The following TMEM200A variants were observed in gnomAD, a reference collection of about 807,000 sequenced individuals.
TMEM200A encodes the protein transmembrane protein 200A, also known as two transmembrane C.
Under a neutral mutation model 24.3 loss-of-function variants are expected in TMEM200A, and 12 were observed. The ratio of observed to expected loss-of-function variants is 0.49; its 90% CI spans 0.32 to 0.80. TMEM200A has a LOEUF of 0.80. Among genes scored for constraint, TMEM200A ranks in the 30% least tolerant of loss-of-function variants. The pLI is 0.04. For missense variants in TMEM200A, 545 were observed against 614.4 expected (o/e 0.89, Z 1.19); for synonymous variants, 224 against 224.4 (o/e 1.00, Z 0.02).
Position 130,440,733 on chromosome 6 carries a change from T to G in TMEM200A, c.311T>G (p.Val104Gly), listed in dbSNP as rs1780142440. 3 of 1,614,014 alleles carry G rather than the reference T, an allele frequency of 1.9e-6. No homozygotes were observed. The highest frequency in any genetic ancestry group is 2.5e-6 in the Non-Finnish European group (3 of 1,179,998). Residue 104 changes from valine to glycine, a missense_variant, in exon 3 of 3, where the codon GTC becomes GGC. Transcript: ENST00000296978. ...ACACTGTCAACAAATGAAACTCAGGTCATTCGGAATGAAGGCGGTGTGGTG... is the reference window on the plus strand; with the variant it reads ...ACACTGTCAACAAATGAAACTCAGGGCATTCGGAATGAAGGCGGTGTGGTG... ...ETTLSTNETQ[V>G]IRNEGGVVVR... is the part of the protein sequence containing the mutation.
chr6:130,391,300 C>T (rs757234132), intron 2 of TMEM200A, among the ~76,000 whole-genome samples: 2 of 152,098 alleles, frequency 1.3e-5, no homozygotes, highest in Non-Finnish European at 2.9e-5. Flanking sequence ...TTGTTCTGGA[C>T]CAAAAAGACA....
intron 2 of TMEM200A, among the ~76,000 whole-genome samples, chr6:130,409,880 C>T (rs1214282360): frequency 6.6e-6 from 1 of 151,200 alleles, no homozygotes; most frequent in Non-Finnish European, 1.5e-5. Context: ...TAAGTAAAAA[C>T]AATGAATCAC....
At chr6:130,383,151 C>T (rs1273713144) in intron 1 of TMEM200A, 14 of 745,274 alleles carry the variant, frequency 1.9e-5, no homozygotes, top group East Asian at 2.6e-4. Flanking sequence ...ATTAGTTGTC[C>T]GTAGCATCGG....
chr6:130,418,598 G>A (rs181818221), intron 2 of TMEM200A, among the ~76,000 whole-genome samples: 27 of 152,218 alleles, frequency 1.8e-4, no homozygotes, highest in African/African-American at 5.5e-4. Context: ...TTGCTATTAA[G>A]GGTGGAGTTG....
At chr6:130,437,821 A>G (rs1169079098) in intron 2 of TMEM200A, 1 of 152,032 alleles carries the variant, frequency 6.6e-6, no homozygotes, top group Non-Finnish European at 1.5e-5. Context: ...CTGTCCTCAT[A>G]TATTTTTCTT....
At chr6:130,439,393 A>C (rs1019265287) in intron 2 of TMEM200A, 3 of 152,226 alleles carry the variant, frequency 2.0e-5, no homozygotes, top group Admixed American at 6.5e-5. Flanking sequence ...GAGGAGTTAA[A>C]AATAACTGTA....
intron 2 of TMEM200A, among the ~76,000 whole-genome samples, chr6:130,433,580 A>G (rs1170936746): frequency 6.6e-6 from 1 of 152,212 alleles, no homozygotes; most frequent in Non-Finnish European, 1.5e-5. Flanking sequence ...CTCAACCAGG[A>G]AGAAAGTCCT....
At position 130,441,169 on chromosome 6, in the gene TMEM200A, C is replaced by T. The variant is rs1371874351; in HGVS notation, c.747C>T (p.Asp249=). ...SGHLMPPLLS[D]SSVSVFGLYP... Reference sequence around the variant, plus strand: ...ATCTTATGCCCCCTTTGCTCTCTGACAGCTCTGTGTCTGTCTTTGGCCTCT... The same window carrying T: ...ATCTTATGCCCCCTTTGCTCTCTGATAGCTCTGTGTCTGTCTTTGGCCTCT... Residue 249 remains aspartate, a synonymous_variant, in exon 3 of 3, where the codon GAC becomes GAT. Coordinates refer to ENST00000296978, the MANE Select transcript of TMEM200A (RefSeq NM_001258277.2). 6.2e-7 allele frequency: 1 copy of T among 1,613,966 alleles called. No homozygotes were observed. Among genetic ancestry groups the T allele is most frequent in the African/African-American group, 1.3e-5 (1 of 74,934 alleles).
At chr6:130,425,470 A>G (rs959773691) in intron 2 of TMEM200A, among the ~76,000 whole-genome samples, 2 of 152,340 alleles carry the variant, frequency 1.3e-5, no homozygotes, top group African/African-American at 2.4e-5. Flanking sequence ...GGAAGAAAGG[A>G]GAGTCCTCTT....
At chr6:130,422,328 G>A (rs1388710632) in intron 2 of TMEM200A, among the ~76,000 whole-genome samples, 2 of 152,204 alleles carry the variant, frequency 1.3e-5, no homozygotes, top group South Asian at 2.1e-4. Context: ...GAAGGTAGTG[G>A]TGCGATATCG....
chr6:130,366,578 C>T lies in TMEM200A; in HGVS notation c.-81+54C>T, dbSNP rs1778153880. The T allele has an allele frequency of 1.0e-6, 1 of 985,832 alleles. No individual in the cohort carries two copies. Among genetic ancestry groups the T allele is most frequent in the Non-Finnish European group, 1.2e-6 (1 of 830,242 alleles). The allele number at this position is 985,832 out of a possible 1,614,324, so 61.1% of individuals were successfully genotyped here. A position where few individuals can be genotyped will look rare whatever the true frequency, so the allele number is the denominator to read the frequency against. ...AGTGGGGAGGTGGGTGGGCGGCCAC[C>T]GCAGCCGAAACCGGGCACTTCTTCA... On this transcript the variant is annotated intron_variant, in intron 1 of 2. Coordinates refer to ENST00000296978, the MANE Select transcript of TMEM200A (RefSeq NM_001258277.2). This position sits in a 1 kb window ranked among gnomAD's most constrained non-coding sequence, Gnocchi z 4.4.
chr6:130,388,002 G>A (rs1178110467), intron 2 of TMEM200A, among the ~76,000 whole-genome samples: 1 of 152,134 alleles, frequency 6.6e-6, no homozygotes, highest in Non-Finnish European at 1.5e-5. Flanking sequence ...TCCTTTCACA[G>A]GTGGAAGTTT....
At chr6:130,365,784 T>C (rs1280805694), upstream of TMEM200A, 2 of 985,342 alleles carry the variant, frequency 2.0e-6, no homozygotes, top group African/African-American at 3.5e-5. Context: ...AGTGCAACTT[T>C]GTGGCCGGGA....
At chr6:130,437,364 G>GAAT (rs1272405235) in intron 2 of TMEM200A, 3 of 152,258 alleles carry the variant, frequency 2.0e-5, no homozygotes, top group Admixed American at 2.0e-4. Flanking sequence ...TTTCATTCTA[G>GAAT]GAGTTACCTC....
intron 2 of TMEM200A, among the ~76,000 whole-genome samples, chr6:130,433,857 C>G (rs1002163842): frequency 2.6e-5 from 4 of 152,098 alleles, no homozygotes; most frequent in African/African-American, 9.7e-5. Context: ...GGGCAGGGAC[C>G]CTTATGCAAT....
chr6:130,369,318 GC>G (rs1025958117), intron 1 of TMEM200A, among the ~76,000 whole-genome samples: 4 of 152,258 alleles, frequency 2.6e-5, no homozygotes, highest in African/African-American at 7.2e-5. Flanking sequence ...ACCAGTATGC[GC>G]CACTGCCTTT....
Position 130,441,988 on chromosome 6 carries a change from T to G in TMEM200A, c.*90T>G. The G allele has an allele frequency of 6.3e-6, 8 of 1,271,696 alleles. No individual in the cohort carries two copies. The South Asian group carries it at 1.1e-4, about 17-fold the overall frequency. The allele number at this position is 1,271,696 out of a possible 1,614,324, so 78.8% of individuals were successfully genotyped here. ...TCTTAAAGTATTGGCTGTAAGCCTT[T>G]TTAATCAAATGGTTTGTAGTGTATT... On this transcript the variant is annotated 3_prime_UTR_variant, in exon 3 of 3. Coordinates refer to ENST00000296978, the MANE Select transcript of TMEM200A (RefSeq NM_001258277.2).
At chr6:130,430,333 C>CA (rs985758042) in intron 2 of TMEM200A, among the ~76,000 whole-genome samples, 1 of 152,064 alleles carries the variant, frequency 6.6e-6, no homozygotes, top group African/African-American at 2.4e-5. Flanking sequence ...CTAATACCAC[C>CA]ACCTTGGGGG....
chr6:130,403,306 G>C (rs1450204378), intron 2 of TMEM200A, among the ~76,000 whole-genome samples: 3 of 152,044 alleles, frequency 2.0e-5, no homozygotes, highest in African/African-American at 7.2e-5. Context: ...CAGATGTTCA[G>C]ACAGAATCTA....
Sources: allele counts gnomAD v4.1 joint callset (sites outside exome capture counted in the v4.1 genomes callset), GRCh38; gene constraint gnomAD v4.1.1; non-coding constraint Gnocchi (gnomAD v3.1); transcripts MANE v1.5; gene names NCBI Gene and HGNC (gene_info 2026-07-23, HGNC 2026-07-21).